Variants in MIPEP observed in about 807,000 individuals in gnomAD.
The protein encoded by MIPEP is mitochondrial intermediate peptidase.
MIPEP carries 79 observed loss-of-function variants against 90.3 expected under a neutral mutation model. The observed-to-expected ratio is 0.87, with a 90% confidence interval of 0.73 to 1.05. The LOEUF (loss-of-function observed/expected upper bound fraction) is 1.05, where lower values mean the gene tolerates loss of function less well. Among genes scored for constraint, MIPEP ranks in the 50% least tolerant of loss-of-function variants. The pLI is 0.00. For synonymous variants in MIPEP, 334 were observed against 315.8 expected, an observed-to-expected ratio of 1.06 and a Z score of -0.61; for missense variants, 940 against 905.6, an observed-to-expected ratio of 1.04 and a Z score of -0.49.
chr13:23,853,324 G>C lies in MIPEP; in HGVS notation c.1106+5536C>G, dbSNP rs76176544. On this transcript the variant is annotated intron_variant, in intron 10 of 18. Coordinates refer to ENST00000382172, the MANE Select transcript of MIPEP (RefSeq NM_005932.4). ...CATTTGTGGTAAGAGCCCTATACAG[G>C]TATACCATTTTTTATCTTTTATACC... is the stretch of plus-strand genomic sequence containing the variant. 4.3e-3 allele frequency among the ~76,000 whole-genome samples: 655 copies of C among 152,098 alleles called. 2 individuals carry two copies. The highest frequency in any genetic ancestry group is 0.015 in the African/African-American group (628 of 41,476).
intron 16 of MIPEP, among the ~76,000 whole-genome samples, chr13:23,762,548 C>T (rs1027482589): frequency 2.0e-5 from 3 of 152,172 alleles, no homozygotes; most frequent in African/African-American, 7.2e-5. Context: ...CACACTGCAC[C>T]TCCACATCCG....
intron 17 of MIPEP, among the ~76,000 whole-genome samples, chr13:23,759,374 C>T (rs988738521): frequency 2.6e-5 from 4 of 151,168 alleles, no homozygotes; most frequent in Admixed American, 1.3e-4. Context: ...GCACGGGATA[C>T]CCCACCCCCA....
At chr13:23,853,655 G>C (rs187091266) in intron 10 of MIPEP, among the ~76,000 whole-genome samples, 29 of 152,074 alleles carry the variant, frequency 1.9e-4, no homozygotes, top group Admixed American at 5.9e-4. Flanking sequence ...CCACCTCCCG[G>C]GTTCAAGCAA....
intron 16 of MIPEP, among the ~76,000 whole-genome samples, chr13:23,765,338 T>G (rs1474751897): frequency 6.6e-6 from 1 of 152,210 alleles, no homozygotes; most frequent in South Asian, 2.1e-4. Context: ...AATAGGCAGG[T>G]GTACCATAAT....
chr13:23,860,882 G>A (rs1055499335), intron 9 of MIPEP, among the ~76,000 whole-genome samples: 1 of 151,940 alleles, frequency 6.6e-6, no homozygotes, highest in Non-Finnish European at 1.5e-5. Context: ...ATGGGCACAG[G>A]AGAAGACACA....
At chr13:23,879,091 A>G (rs1182231032) in intron 4 of MIPEP, among the ~76,000 whole-genome samples, 177 bp downstream of exon 4, 1 of 152,180 alleles carries the variant, frequency 6.6e-6, no homozygotes, top group African/African-American at 2.4e-5. Flanking sequence ...CTGTGCAAAG[A>G]TTTTGGAGGA....
intron 18 of MIPEP, among the ~76,000 whole-genome samples, chr13:23,746,440 C>G (rs997476924): frequency 1.3e-5 from 2 of 151,518 alleles, no homozygotes; most frequent in Non-Finnish European, 2.9e-5. Flanking sequence ...TGGAGACCAG[C>G]CTGGCCAACA....
intron 8 of MIPEP, 66 bp from the exon 9 acceptor site, chr13:23,862,428 G>A: frequency 1.2e-6 from 1 of 848,612 alleles, no homozygotes; most frequent in African/African-American, 1.7e-5. Flanking sequence ...GAAAGGACTA[G>A]TTTGCTTATG....
intron 16 of MIPEP, among the ~76,000 whole-genome samples, chr13:23,761,364 A>T (rs1427044929): frequency 6.6e-6 from 1 of 152,172 alleles, no homozygotes; most frequent in African/African-American, 2.4e-5. Flanking sequence ...CGGTGGCAGG[A>T]GTGCCAATGG....
chr13:23,839,925 T>C lies in MIPEP; in HGVS notation c.1261-199A>G, dbSNP rs1452552207. ...TCCATCTCTTGAATGATTTTGGTTTTGGAATTCTGTGTCCAGGACAGGAAA... is the reference window on the plus strand; with the variant it reads ...TCCATCTCTTGAATGATTTTGGTTTCGGAATTCTGTGTCCAGGACAGGAAA... On this transcript the variant is annotated intron_variant, in intron 11 of 18. Coordinates refer to ENST00000382172, the MANE Select transcript of MIPEP (RefSeq NM_005932.4). 2.0e-5 allele frequency among the ~76,000 whole-genome samples: 3 copies of C among 152,222 alleles called. No individual in the cohort carries two copies. In the East Asian group the frequency reaches 5.8e-4, roughly 29 times the overall value.
At chr13:23,745,249 G>T (rs1952370105) in intron 18 of MIPEP, among the ~76,000 whole-genome samples, 1 of 152,108 alleles carries the variant, frequency 6.6e-6, no homozygotes, top group Non-Finnish European at 1.5e-5. Flanking sequence ...AGAAAATCAG[G>T]TATAGGTATA....
chr13:23,793,357 T>C (rs1156937336), intron 16 of MIPEP, among the ~76,000 whole-genome samples: 2 of 152,158 alleles, frequency 1.3e-5, no homozygotes, highest in East Asian at 3.9e-4. Context: ...GCCACCTACA[T>C]GAAGGTCAAA....
chr13:23,813,424 T>C (rs1424319774), intron 14 of MIPEP, among the ~76,000 whole-genome samples: 1 of 152,196 alleles, frequency 6.6e-6, no homozygotes, highest in Non-Finnish European at 1.5e-5. Flanking sequence ...CACATCCTCC[T>C]GTATATTTGA....
Position 23,835,541 on chromosome 13 carries a change from G to A in MIPEP, c.1653+699C>T, listed in dbSNP as rs559530569. Among the ~76,000 whole-genome samples the A allele has an allele frequency of 2.0e-4, 31 of 152,018 alleles. No individual in the cohort carries two copies. The South Asian group carries it at 5.2e-3, about 26-fold the overall frequency. ...GATGAATACAATTTACATTTGTACC[G>A]GGAGTACATACAGTCTGAGGGGGAA... On this transcript the variant is annotated intron_variant, in intron 14 of 18. Coordinates refer to ENST00000382172, the MANE Select transcript of MIPEP (RefSeq NM_005932.4).
intron 5 of MIPEP, among the ~76,000 whole-genome samples, chr13:23,872,125 A>T (rs1870837489): frequency 6.6e-6 from 1 of 152,246 alleles, no homozygotes; most frequent in South Asian, 2.1e-4. Flanking sequence ...AAAAATAAAC[A>T]TTTCTATTAC....
intron 10 of MIPEP, chr13:23,842,477 C>CAGAA (rs1869339659): frequency 6.6e-6 from 1 of 152,196 alleles, no homozygotes; most frequent in Non-Finnish European, 1.5e-5. Flanking sequence ...TTTCTTTAAA[C>CAGAA]AGAATCCTAG....
intron 5 of MIPEP, among the ~76,000 whole-genome samples, chr13:23,873,508 GCAC>G (rs1401122017): frequency 6.6e-6 from 1 of 152,138 alleles, no homozygotes; most frequent in Non-Finnish European, 1.5e-5. Flanking sequence ...AATAATAGTA[GCAC>G]CAAGCTCAAA....
chr13:23,872,972 C>T (rs12866179), intron 5 of MIPEP, among the ~76,000 whole-genome samples: 2,807 of 152,300 alleles, frequency 0.018, 48 homozygotes, highest in Non-Finnish European at 0.029. Context: ...AAAACATGAT[C>T]CACGTTCTTG....
intron 14 of MIPEP, among the ~76,000 whole-genome samples, chr13:23,829,909 C>T (rs139141782): frequency 9.4e-4 from 143 of 152,292 alleles, no homozygotes; most frequent in African/African-American, 3.2e-3. Flanking sequence ...AATAGCATTT[C>T]ATTTTATAAT....
Sources: allele counts gnomAD v4.1 joint callset (sites outside exome capture counted in the v4.1 genomes callset), GRCh38; gene constraint gnomAD v4.1.1; transcripts MANE v1.5; gene names NCBI Gene and HGNC (gene_info 2026-07-23, HGNC 2026-07-21).